The following DRC11 variants were observed in gnomAD, a reference collection of about 807,000 sequenced individuals.
DRC11 encodes the protein dynein regulatory complex subunit 11, also known as IQ and AAA domain-containing protein 1.
At chr2:236,380,262 T>C in the DRC11 span, among the ~76,000 whole-genome samples, 1 of 152,222 alleles carries the variant, frequency 6.6e-6, no homozygotes, top group Non-Finnish European at 1.5e-5. The surrounding 1 kb of genome is among the most constrained non-coding windows in gnomAD (Gnocchi z 4.9). Context: ...AGAGTCTCCG[T>C]ATTTCCTCAA....
the DRC11 span, among the ~76,000 whole-genome samples, chr2:236,357,778 T>TAGA: frequency 7.9e-6 from 1 of 126,272 alleles, no homozygotes; most frequent in Non-Finnish European, 1.5e-5. Context: ...TATGTAAATA[T>TAGA]ATGTTATATA....
the DRC11 span, among the ~76,000 whole-genome samples, chr2:236,459,520 TGTATACATGTATAC>T: frequency 0.041 from 4,625 of 113,098 alleles, 155 homozygotes; most frequent in Middle Eastern, 0.13. Context: ...TACGTATACA[TGTATACATGTATAC>T]GTATACGTAT....
At chr2:236,316,225 C>T in the DRC11 span, among the ~76,000 whole-genome samples, 1,065 of 151,766 alleles carry the variant, frequency 7.0e-3, 14 homozygotes, top group African/African-American at 0.025. This position sits in a 1 kb window ranked among gnomAD's most constrained non-coding sequence, Gnocchi z 6.8. Context: ...TGCAATTGTG[C>T]GATCTTGGCT....
the DRC11 span, among the ~76,000 whole-genome samples, chr2:236,396,309 G>GGT: frequency 8.7e-6 from 1 of 115,330 alleles, no homozygotes; most frequent in African/African-American, 3.2e-5. Context: ...GGGCGGGGGG[G>GGT]GGTTAATCTT....
At chr2:236,341,167 C>T in the DRC11 span, among the ~76,000 whole-genome samples, 1 of 152,332 alleles carries the variant, frequency 6.6e-6, no homozygotes, top group African/African-American at 2.4e-5. Context: ...CACAGCCAGC[C>T]CCAAGAAAGC....
chr2:236,347,635 C>T, the DRC11 span, among the ~76,000 whole-genome samples: 1 of 151,432 alleles, frequency 6.6e-6, no homozygotes, highest in East Asian at 1.9e-4. Context: ...GAATGGAAAA[C>T]CAAACATCGT....
chr2:236,350,373 G>A, the DRC11 span, among the ~76,000 whole-genome samples: 1 of 152,230 alleles, frequency 6.6e-6, no homozygotes, highest in African/African-American at 2.4e-5. The surrounding 1 kb of genome is among the most constrained non-coding windows in gnomAD (Gnocchi z 5.2). Context: ...CTGGAGTGAT[G>A]TGGTTTGGAA....
At chr2:236,360,917 G>A in the DRC11 span, among the ~76,000 whole-genome samples, 2 of 152,272 alleles carry the variant, frequency 1.3e-5, no homozygotes, top group East Asian at 3.9e-4. The surrounding 1 kb of genome is among the most constrained non-coding windows in gnomAD (Gnocchi z 5.8). Context: ...TAATTTAACT[G>A]CCTGCTAGAA....
the DRC11 span, among the ~76,000 whole-genome samples, chr2:236,449,222 C>A: frequency 2.0e-5 from 3 of 152,194 alleles, no homozygotes; most frequent in African/African-American, 7.2e-5. The surrounding 1 kb of genome is among the most constrained non-coding windows in gnomAD (Gnocchi z 5.1). Flanking sequence ...ATAGATGAAC[C>A]TAACCGTATG....
the DRC11 span, among the ~76,000 whole-genome samples, chr2:236,480,531 C>T: frequency 7.2e-5 from 11 of 152,058 alleles, no homozygotes; most frequent in African/African-American, 2.7e-4. Flanking sequence ...ATGTATTTTT[C>T]TATCCAGCAA....
At chr2:236,375,575 C>G in the DRC11 span, among the ~76,000 whole-genome samples, 233 of 152,282 alleles carry the variant, frequency 1.5e-3, no homozygotes, top group African/African-American at 5.5e-3. This position sits in a 1 kb window ranked among gnomAD's most constrained non-coding sequence, Gnocchi z 4.2. Flanking sequence ...AATTCTTATG[C>G]TATTAGGAAA....
the DRC11 span, among the ~76,000 whole-genome samples, chr2:236,407,609 A>T: frequency 6.6e-6 from 1 of 152,180 alleles, no homozygotes; most frequent in Admixed American, 6.5e-5. Flanking sequence ...GGCCACATGT[A>T]CTTTTTATAT....
chr2:236,380,493 G>T, the DRC11 span: 1 of 1,123,936 alleles, frequency 8.9e-7, no homozygotes, highest in Non-Finnish European at 1.3e-6. This position sits in a 1 kb window ranked among gnomAD's most constrained non-coding sequence, Gnocchi z 4.9. Context: ...ATCACAGAGG[G>T]GGCGTACTCG....
the DRC11 span, among the ~76,000 whole-genome samples, chr2:236,457,241 C>CTAAAATGAAATAAGA: frequency 4.2e-3 from 644 of 152,240 alleles, 7 homozygotes; most frequent in African/African-American, 0.014. The surrounding 1 kb of genome is among the most constrained non-coding windows in gnomAD (Gnocchi z 4.7). Context: ...TAAGCTTAAA[C>CTAAAATGAAATAAGA]TAAAATGAAA....
the DRC11 span, among the ~76,000 whole-genome samples, chr2:236,431,693 A>G: frequency 1.3e-5 from 2 of 152,336 alleles, no homozygotes; most frequent in Non-Finnish European, 2.9e-5. This position sits in a 1 kb window ranked among gnomAD's most constrained non-coding sequence, Gnocchi z 4.2. Flanking sequence ...GGCTTCTTTC[A>G]TGTTGCATAA....
chr2:236,456,170 A>G, the DRC11 span, among the ~76,000 whole-genome samples: 1 of 152,226 alleles, frequency 6.6e-6, no homozygotes, highest in Non-Finnish European at 1.5e-5. This position sits in a 1 kb window ranked among gnomAD's most constrained non-coding sequence, Gnocchi z 5.4. Context: ...TAGGTTTAAC[A>G]TGATTACTGA....
the DRC11 span, among the ~76,000 whole-genome samples, chr2:236,421,669 T>G: frequency 6.6e-6 from 1 of 152,116 alleles, no homozygotes; most frequent in South Asian, 2.1e-4. Flanking sequence ...GAAACTATTC[T>G]AATCAATAGA....
At chr2:236,483,539 AAC>A in the DRC11 span, among the ~76,000 whole-genome samples, 65 of 152,060 alleles carry the variant, frequency 4.3e-4, 1 homozygote, top group South Asian at 7.7e-3. The surrounding 1 kb of genome is among the most constrained non-coding windows in gnomAD (Gnocchi z 4.8). Flanking sequence ...AGAGTTTACA[AAC>A]ACAGATATGG....
chr2:236,496,558 G>A, the DRC11 span, among the ~76,000 whole-genome samples: 2 of 152,146 alleles, frequency 1.3e-5, no homozygotes, highest in East Asian at 1.9e-4. The surrounding 1 kb of genome is among the most constrained non-coding windows in gnomAD (Gnocchi z 6.3). Flanking sequence ...CCGAATGCTC[G>A]CAGGAGGGGG....
Sources: gnomAD v4.1 joint callset for allele counts (sites outside exome capture counted in the v4.1 genomes callset) on GRCh38, gnomAD v4.1.1 for gene constraint, Gnocchi (gnomAD v3.1) non-coding constraint, MANE v1.5 for transcripts, NCBI Gene and HGNC (gene_info 2026-07-23, HGNC 2026-07-21) for gene names.